Variants in TARBP1 observed in about 807,000 individuals in gnomAD.
TARBP1 encodes the protein tRNA (guanosine(18)-2'-O)-methyltransferase TARBP1.
In TARBP1, 144 loss-of-function variants were observed where a neutral mutation model predicts 178.6. The ratio of observed to expected loss-of-function variants is 0.81; its 90% CI spans 0.70 to 0.93. The LOEUF (loss-of-function observed/expected upper bound fraction) is 0.93. Ranked by LOEUF, TARBP1 falls within the 40% of genes least tolerant of loss-of-function variation. The probability of loss-of-function intolerance (pLI) is 0.00; values close to 1 mark genes in which losing one functional copy is unlikely to be tolerated. For missense variants in TARBP1, 2,067 were observed against 2,011.7 expected, an observed-to-expected ratio of 1.03 and a Z score of -0.53; for synonymous variants, 787 against 781.0, an observed-to-expected ratio of 1.01 and a Z score of -0.13.
At chr1:234,474,643 C>T (rs74445282) in intron 1 of TARBP1, among the ~76,000 whole-genome samples, 4 of 152,140 alleles carry the variant, frequency 2.6e-5, no homozygotes, top group Non-Finnish European at 1.5e-5. Context: ...AACAGCAATA[C>T]TGGAAGCTCT....
intron 8 of TARBP1, among the ~76,000 whole-genome samples, chr1:234,458,158 A>G (rs1445965869): frequency 6.6e-6 from 1 of 152,216 alleles, no homozygotes; most frequent in Non-Finnish European, 1.5e-5. Flanking sequence ...AGCCTGGCTA[A>G]TATGGCAAAA....
chr1:234,478,416 G>T lies in TARBP1; in HGVS notation c.688C>A (p.Leu230Met). ...TCGGCCAGGGCGCTCAGGACCAGCAGCTTCTCCTCTACGCGGCCGGACCCC... is the reference window on the plus strand; with the variant it reads ...TCGGCCAGGGCGCTCAGGACCAGCATCTTCTCCTCTACGCGGCCGGACCCC... The part of the protein sequence containing the change: ...SLGSGRVEEK[L>M]LVLSALAEKL... The change falls in exon 1 of 30, where the codon CTG (leucine) becomes ATG (methionine). Residue 230 changes from leucine (L) to methionine (M), a missense_variant. Leu to Met is a conservative substitution (Grantham distance 15). Transcript: ENST00000040877. 1.4e-6 allele frequency: 2 copies of T among 1,385,558 alleles called. No homozygotes were observed. Among genetic ancestry groups the T allele is most frequent in the Non-Finnish European group, 1.9e-6 (2 of 1,065,582 alleles). The allele number at this position is 1,385,558 out of a possible 1,614,324, so 85.8% of individuals were successfully genotyped here. A position where few individuals can be genotyped will look rare whatever the true frequency, so the allele number is the denominator to read the frequency against.
intron 20 of TARBP1, among the ~76,000 whole-genome samples, chr1:234,422,736 A>G (rs185294655): frequency 6.6e-6 from 1 of 152,348 alleles, no homozygotes; most frequent in Non-Finnish European, 1.5e-5. Flanking sequence ...AACTAACAGT[A>G]TAACTGGATT....
intron 1 of TARBP1, among the ~76,000 whole-genome samples, chr1:234,474,281 C>A (rs564036): frequency 1.2e-3 from 71 of 61,398 alleles, no homozygotes; most frequent in African/African-American, 1.8e-3. Flanking sequence ...CACACACACA[C>A]ACACACAAAG....
In TARBP1 at chr1:234,478,764, G is replaced by T; in HGVS notation, c.340C>A (p.Pro114Thr). Reference sequence around the variant, plus strand: ...TCAGCCAGCGCGGCCGCCAGCTGCGGACGCCCGGCCAGGCGGACGCACGAG... The same window carrying T: ...TCAGCCAGCGCGGCCGCCAGCTGCGTACGCCCGGCCAGGCGGACGCACGAG... Reference protein sequence around the residue: ...LRSCVRLAGRPQLAAALAEEA... With the variant: ...LRSCVRLAGRTQLAAALAEEA... Residue 114 changes from proline to threonine, a missense_variant, in exon 1 of 30, where the codon CCG (proline) becomes ACG (threonine). Coordinates refer to ENST00000040877, the MANE Select transcript of TARBP1 (RefSeq NM_005646.4). 2 of 1,127,980 alleles carry T rather than the reference G, an allele frequency of 1.8e-6. No individual in the cohort carries two copies. Among genetic ancestry groups the T allele is most frequent in the South Asian group, 7.9e-5 (2 of 25,418 alleles). The allele number at this position is 1,127,980 out of a possible 1,614,324, so 69.9% of individuals were successfully genotyped here.
At chr1:234,469,499 G>A (rs2103297352) in intron 3 of TARBP1, among the ~76,000 whole-genome samples, 1 of 152,324 alleles carries the variant, frequency 6.6e-6, no homozygotes, top group African/African-American at 2.4e-5. Flanking sequence ...AGCCCCAGGT[G>A]CAACTACAGA....
At chr1:234,436,201 G>T (rs1393322772) in intron 13 of TARBP1, among the ~76,000 whole-genome samples, 1 of 152,116 alleles carries the variant, frequency 6.6e-6, no homozygotes, top group Admixed American at 6.5e-5. Context: ...CATCATATAA[G>T]CATAAGGGAG....
At chr1:234,427,866 C>A in intron 17 of TARBP1, 100 bp from the exon 18 acceptor site, 3 of 736,714 alleles carry the variant, frequency 4.1e-6, no homozygotes, top group Non-Finnish European at 5.8e-6. Flanking sequence ...CATGAACAGT[C>A]TAAAAACTGT....
At chr1:234,441,637 C>T (rs1314025536) in intron 12 of TARBP1, among the ~76,000 whole-genome samples, 2 of 152,162 alleles carry the variant, frequency 1.3e-5, no homozygotes, top group Non-Finnish European at 2.9e-5. Flanking sequence ...GTGCAACTAT[C>T]ACCACAATCA....
At chr1:234,460,479 C>G (rs1215465038) in intron 6 of TARBP1, 83 bp from the exon 7 acceptor site, 3 of 1,427,026 alleles carry the variant, frequency 2.1e-6, no homozygotes, top group Non-Finnish European at 2.9e-6. Context: ...TAGGGAAATA[C>G]AAGTCAAAAC....
intron 29 of TARBP1, 70 bp downstream of exon 29, chr1:234,392,346 A>G: frequency 6.4e-7 from 1 of 1,565,094 alleles, no homozygotes; most frequent in South Asian, 1.2e-5. Flanking sequence ...AAAAACAAAA[A>G]AAAACAAGGT....
rs567390682 is a variant in TARBP1, at chr1:234,477,147, T to G, written c.931+1026A>C. On this transcript the variant is annotated intron_variant, in intron 1 of 29. Coordinates refer to ENST00000040877, the MANE Select transcript of TARBP1 (RefSeq NM_005646.4). ...TTGCGGTGAGCGGAGATTGTGCCAT[T>G]GCATTCCAGCCTGGGCAACAAGACC... is the stretch of plus-strand genomic sequence containing the variant. Among the ~76,000 whole-genome samples, 125 of 152,352 alleles carry G rather than the reference T, an allele frequency of 8.2e-4. 2 individuals carry two copies. The highest frequency in any genetic ancestry group is 2.8e-3 in the African/African-American group (115 of 41,566).
At chr1:234,436,292 T>C (rs1031775155) in intron 13 of TARBP1, among the ~76,000 whole-genome samples, 2 of 152,200 alleles carry the variant, frequency 1.3e-5, no homozygotes, top group South Asian at 2.1e-4. Flanking sequence ...AAAAGTGGTA[T>C]TGGAGCAAAA....
chr1:234,439,541 A>C (rs1239224914), intron 12 of TARBP1, among the ~76,000 whole-genome samples: 1 of 152,236 alleles, frequency 6.6e-6, no homozygotes, highest in Non-Finnish European at 1.5e-5. Context: ...AATGAAAAAC[A>C]AAGGCCCAGT....
intron 22 of TARBP1, among the ~76,000 whole-genome samples, chr1:234,410,964 G>A (rs1195222270): frequency 6.6e-6 from 1 of 152,090 alleles, no homozygotes; most frequent in African/African-American, 2.4e-5. Context: ...CCCAGCTACT[G>A]GGGAGGCTGA....
chr1:234,460,498 G>A (rs1371363592), intron 6 of TARBP1, 102 bp from the exon 7 acceptor site: 1 of 1,217,812 alleles, frequency 8.2e-7, no homozygotes, highest in Non-Finnish European at 1.2e-6. Context: ...ACCATAGTAA[G>A]GCTCCACTTC....
intron 2 of TARBP1, among the ~76,000 whole-genome samples, chr1:234,472,321 T>A (rs1669137141): frequency 9.7e-6 from 1 of 103,100 alleles, no homozygotes. Context: ...AGAGCAAGAC[T>A]CTGTCTCCAA....
At position 234,393,471 on chromosome 1, in the gene TARBP1, C is replaced by A; in HGVS notation, c.4451G>T (p.Cys1484Phe). Reference sequence around the variant, plus strand: ...GAGCACTGAAGCCCCAAATACCTCACAGGTCCTGCACAGTCCTGCACAGAA... The same window carrying A: ...GAGCACTGAAGCCCCAAATACCTCAAAGGTCCTGCACAGTCCTGCACAGAA... ...PTNLGGLCRTCEVFGASVLVV... is the reference protein window; with the variant it reads ...PTNLGGLCRTFEVFGASVLVV... Residue 1484 changes from cysteine (C) to phenylalanine (F), a missense_variant, in exon 28 of 30, where the codon TGT (cysteine) becomes TTT (phenylalanine). Transcript: ENST00000040877. 6.2e-7 allele frequency: 1 copy of A among 1,604,704 alleles called. No homozygotes were observed. The highest frequency in any genetic ancestry group is 1.1e-5 in the South Asian group (1 of 89,908).
intron 4 of TARBP1, 106 bp from the exon 5 acceptor site, chr1:234,465,814 T>C (rs1405347041): frequency 9.8e-7 from 1 of 1,019,214 alleles, no homozygotes; most frequent in Non-Finnish European, 1.4e-6. Context: ...ACAGAAGACC[T>C]GCTATAAGCA....
Sources: gnomAD v4.1 joint callset for allele counts (sites outside exome capture counted in the v4.1 genomes callset) on GRCh38, gnomAD v4.1.1 for gene constraint, MANE v1.5 for transcripts, NCBI Gene and HGNC (gene_info 2026-07-23, HGNC 2026-07-21) for gene names.